GALNT1: variants seen among roughly 807,000 people sequenced by gnomAD.
The protein encoded by GALNT1 is GalNAc transferase 1.
In GALNT1, 17 loss-of-function variants were observed where a neutral mutation model predicts 65.7. That is an observed-to-expected ratio of 0.26 (90% CI 0.18 to 0.39). The LOEUF is 0.39. GALNT1 is among the 10% of genes least tolerant of loss of function. The pLI, the probability that GALNT1 is intolerant of heterozygous loss-of-function variation, is 1.00. For synonymous variants in GALNT1, 210 were observed against 219.7 expected (o/e 0.96, Z 0.39); for missense variants, 460 against 672.8 (o/e 0.68, Z 3.50).
intron 3 of GALNT1, among the ~76,000 whole-genome samples, chr18:35,665,458 A>G (rs1257740303): frequency 1.3e-5 from 2 of 152,190 alleles, no homozygotes; most frequent in African/African-American, 2.4e-5. Context: ...TTTATCCACA[A>G]AATTTTCCAT....
At chr18:35,615,078 G>A (rs1321919298) in intron 1 of GALNT1, among the ~76,000 whole-genome samples, 1 of 152,036 alleles carries the variant, frequency 6.6e-6, no homozygotes, top group Admixed American at 6.6e-5. Flanking sequence ...AGCAGGGTAT[G>A]GTTTTGTTTG....
chr18:35,684,078 G>A (rs1293784631), intron 5 of GALNT1, among the ~76,000 whole-genome samples: 1 of 152,210 alleles, frequency 6.6e-6, no homozygotes, highest in Non-Finnish European at 1.5e-5. Flanking sequence ...AAGAACAGTG[G>A]TGTAATGAAC....
intron 1 of GALNT1, among the ~76,000 whole-genome samples, chr18:35,628,172 A>G (rs1460752429): frequency 6.6e-6 from 1 of 152,160 alleles, no homozygotes; most frequent in African/African-American, 2.4e-5. Flanking sequence ...GGCAGCAGAA[A>G]CCTCTGCGGA....
intron 1 of GALNT1, among the ~76,000 whole-genome samples, chr18:35,645,353 C>T (rs1451843150): frequency 2.7e-5 from 4 of 150,366 alleles, no homozygotes; most frequent in Non-Finnish European, 3.0e-5. Flanking sequence ...CCTCAGCCTC[C>T]TTCCCAAGTA....
intron 1 of GALNT1, among the ~76,000 whole-genome samples, chr18:35,594,688 A>C (rs903641596): frequency 3.9e-5 from 6 of 152,168 alleles, no homozygotes; most frequent in Non-Finnish European, 5.9e-5. Context: ...CTGTGTTGGA[A>C]GCTGAGCACA....
At chr18:35,611,438 TAA>T (rs1017127716) in intron 1 of GALNT1, among the ~76,000 whole-genome samples, 1 of 152,226 alleles carries the variant, frequency 6.6e-6, no homozygotes, top group African/African-American at 2.4e-5. Flanking sequence ...ATATTTTATA[TAA>T]GTCAGTAAGA....
intron 9 of GALNT1, among the ~76,000 whole-genome samples, chr18:35,696,879 A>G (rs1184657363): frequency 6.6e-6 from 1 of 152,228 alleles, no homozygotes; most frequent in African/African-American, 2.4e-5. Context: ...CAGATTCACT[A>G]ATGCTAGATT....
chr18:35,598,478 G>A (rs1481862339), intron 1 of GALNT1, among the ~76,000 whole-genome samples: 4 of 152,092 alleles, frequency 2.6e-5, no homozygotes, highest in African/African-American at 7.2e-5. Flanking sequence ...GTGAGAACAC[G>A]AGGTATTTGT....
chr18:35,604,885 A>G (rs2046627088), intron 1 of GALNT1, among the ~76,000 whole-genome samples: 1 of 152,128 alleles, frequency 6.6e-6, no homozygotes, highest in Admixed American at 6.5e-5. Context: ...TGCGTAAATT[A>G]GGACTCAGAG....
At chr18:35,662,829 A>G (rs561984495) in intron 2 of GALNT1, among the ~76,000 whole-genome samples, 1 of 152,284 alleles carries the variant, frequency 6.6e-6, no homozygotes, top group South Asian at 2.1e-4. Context: ...TAACGTCTCA[A>G]AAACATAAGG....
At position 35,617,413 on chromosome 18, in the gene GALNT1, G is replaced by A. The variant is rs112818869; in HGVS notation, c.-104+35551G>A. The stretch of plus-strand genomic sequence containing the variant: ...GTAAGATGTTAAATCCTAATTTAGC[G>A]TTTAGCTATCTGAAACACGTTTAAA... On this transcript the variant is annotated intron_variant, in intron 1 of 11. Transcript: ENST00000269195. Among the ~76,000 whole-genome samples, 972 of 152,250 alleles carry A rather than the reference G, an allele frequency of 6.4e-3. 18 individuals are homozygous for A. The highest frequency in any genetic ancestry group is 0.022 in the African/African-American group (921 of 41,552).
intron 1 of GALNT1, among the ~76,000 whole-genome samples, chr18:35,624,546 A>G (rs1568017800): frequency 1.3e-5 from 2 of 152,098 alleles, no homozygotes; most frequent in Non-Finnish European, 2.9e-5. Context: ...TTTTGTCTTA[A>G]TTTTAATAAC....
chr18:35,604,331 A>G (rs2046620255), intron 1 of GALNT1, among the ~76,000 whole-genome samples: 2 of 152,184 alleles, frequency 1.3e-5, no homozygotes, highest in Admixed American at 6.5e-5. Flanking sequence ...GATGATGGGC[A>G]TCTAGATTGA....
intron 1 of GALNT1, among the ~76,000 whole-genome samples, chr18:35,613,744 G>C (rs2046748051): frequency 6.6e-6 from 1 of 152,160 alleles, no homozygotes; most frequent in South Asian, 2.1e-4. Flanking sequence ...TATAGGGTAG[G>C]GAGCATAGGA....
Position 35,709,698 on chromosome 18 carries a change from C to T in GALNT1, c.1608C>T (p.Ser536=). 6.2e-7 allele frequency: 1 copy of T among 1,614,070 alleles called. No homozygotes were observed. Among genetic ancestry groups the T allele is most frequent in the Non-Finnish European group, 8.5e-7 (1 of 1,179,984 alleles). ...KATEEDSQVP[S]IRDCNGSRSQ... The stretch of plus-strand genomic sequence containing the variant: ...CAGAAGAGGATAGCCAGGTGCCCAG[C>T]ATTAGAGACTGCAATGGAAGTCGGT... The change falls in exon 12 of 12, where the codon AGC becomes AGT. Residue 536 remains serine, a synonymous_variant. Coordinates refer to ENST00000269195, the MANE Select transcript of GALNT1 (RefSeq NM_020474.4).
At position 35,581,791 on chromosome 18, in the gene GALNT1, G is replaced by A. The variant is rs2046320530; in HGVS notation, c.-175G>A. The A allele has an allele frequency of 2.0e-3, 1 of 500 alleles. No individual in the cohort carries two copies. Among genetic ancestry groups the A allele is most frequent in the Non-Finnish European group, 0.02 (1 of 50 alleles). 0.0% of individuals were successfully genotyped at this position (500 alleles called of 1,614,324 possible). A position where few individuals can be genotyped will look rare whatever the true frequency, so the allele number is the denominator to read the frequency against. ...GCGGCCCGAGAGTAGCGCGCTGGCCGCGGGACCGGCCGCGACCGCCGCGGC... is the reference window on the plus strand; with the variant it reads ...GCGGCCCGAGAGTAGCGCGCTGGCCACGGGACCGGCCGCGACCGCCGCGGC... On this transcript the variant is annotated 5_prime_UTR_variant, in exon 1 of 12. Coordinates refer to ENST00000269195, the MANE Select transcript of GALNT1 (RefSeq NM_020474.4).
chr18:35,687,269 T>C lies in GALNT1; in HGVS notation c.860+83T>C, dbSNP rs150531489. The C allele has an allele frequency of 1.9e-4, 257 of 1,357,720 alleles. No individual in the cohort carries two copies. In the African/African-American group the frequency reaches 3.5e-3, roughly 19 times the overall value. 84.1% of individuals were successfully genotyped at this position (1,357,720 alleles called of 1,614,324 possible). On this transcript the variant is annotated intron_variant, in intron 6 of 11. Transcript: ENST00000269195. ...TTGGGAATCATATCAAATGGATAAGTGTATTTTGAGAAACGTGAAGCATTC... is the reference window on the plus strand; with the variant it reads ...TTGGGAATCATATCAAATGGATAAGCGTATTTTGAGAAACGTGAAGCATTC...
At chr18:35,598,356 C>G (rs1213535898) in intron 1 of GALNT1, among the ~76,000 whole-genome samples, 1 of 151,758 alleles carries the variant, frequency 6.6e-6, no homozygotes, top group Non-Finnish European at 1.5e-5. Context: ...ATTTTTGTAC[C>G]CAGTAACCAG....
At chr18:35,664,821 T>C (rs1470327741) in intron 3 of GALNT1, among the ~76,000 whole-genome samples, 1 of 152,236 alleles carries the variant, frequency 6.6e-6, no homozygotes, top group African/African-American at 2.4e-5. Context: ...CTTGCTCTCA[T>C]TGATGCTGGC....
Sources: gnomAD v4.1 joint callset for allele counts (sites outside exome capture counted in the v4.1 genomes callset) on GRCh38, gnomAD v4.1.1 for gene constraint, MANE v1.5 for transcripts, NCBI Gene and HGNC (gene_info 2026-07-23, HGNC 2026-07-21) for gene names.